IMPG2: variants seen among roughly 807,000 people sequenced by gnomAD.
IMPG2 encodes the protein interphotoreceptor matrix proteoglycan 2.
Under a neutral mutation model 129.2 loss-of-function variants are expected in IMPG2, and 91 were observed. That is an observed-to-expected ratio of 0.70 (90% CI 0.59 to 0.84). The LOEUF (loss-of-function observed/expected upper bound fraction) is 0.84, where lower values mean the gene tolerates loss of function less well. Ranked by LOEUF, IMPG2 falls within the 40% of genes least tolerant of loss-of-function variation. The pLI, the probability that IMPG2 is intolerant of heterozygous loss-of-function variation, is 0.00. For synonymous variants in IMPG2, 510 were observed against 517.7 expected (o/e 0.99, Z 0.20); for missense variants, 1,430 against 1,461.7 (o/e 0.98, Z 0.35).
At position 101,223,163 on chromosome 3, in the gene IMPG2, G is replaced by A. The variant is rs1706183710; in HGVS notation, c.*3806C>T. The A allele has an allele frequency of 6.6e-6, 1 of 152,160 alleles. No individual in the cohort carries two copies. The highest frequency in any genetic ancestry group is 2.4e-5 in the African/African-American group (1 of 41,430). The allele number at this position is 152,160 out of a possible 1,614,324, so 9.4% of individuals were successfully genotyped here. On this transcript the variant is annotated 3_prime_UTR_variant, in exon 19 of 19. Coordinates refer to ENST00000193391, the MANE Select transcript of IMPG2 (RefSeq NM_016247.4). The stretch of plus-strand genomic sequence containing the variant: ...ACCTTCCGCCAGGATATCCTTTGTG[G>A]AATACAATGCAATGGATTTGAGAAT...
intron 4 of IMPG2, among the ~76,000 whole-genome samples, chr3:101,281,175 A>G (rs1706889216): frequency 6.6e-6 from 1 of 152,156 alleles, no homozygotes; most frequent in Non-Finnish European, 1.5e-5. Flanking sequence ...TGAGCCTTGC[A>G]CTCGTTATTG....
chr3:101,236,968 T>G (rs886439063), intron 14 of IMPG2, among the ~76,000 whole-genome samples: 2 of 152,224 alleles, frequency 1.3e-5, no homozygotes, highest in African/African-American at 4.8e-5. Context: ...ATCCACTGGT[T>G]TGAAATTCTT....
chr3:101,249,220 C>T (rs1242265059), intron 11 of IMPG2, among the ~76,000 whole-genome samples: 1 of 152,158 alleles, frequency 6.6e-6, no homozygotes, highest in Non-Finnish European at 1.5e-5. Context: ...ACCCTATCCA[C>T]ATCTCCATTG....
chr3:101,317,187 C>CA (rs779455845), intron 2 of IMPG2, among the ~76,000 whole-genome samples: 8 of 151,824 alleles, frequency 5.3e-5, no homozygotes, highest in Admixed American at 6.6e-5. Context: ...GTAAATTCGT[C>CA]AAAACTAATG....
Position 101,275,739 on chromosome 3 carries a change from G to A in IMPG2, c.590C>T (p.Thr197Ile). ...VGDTSTLGDT[T>I]LSVPHPEVDA... ...CACCTCTGGATGTGGAACACTGAGA[G>A]TAGTGTCTAAGAAGAAAAGCAAAAA... Residue 197 changes from threonine to isoleucine, a missense_variant, in exon 6 of 19, where the codon ACT becomes ATT. By Grantham distance (89) the Thr-to-Ile change is moderately conservative. Coordinates refer to ENST00000193391, the MANE Select transcript of IMPG2 (RefSeq NM_016247.4). 3 of 1,613,304 alleles carry A rather than the reference G, an allele frequency of 1.9e-6. No individual in the cohort carries two copies. The highest frequency in any genetic ancestry group is 2.2e-5 in the South Asian group (2 of 91,066).
At chr3:101,308,379 A>T (rs929244261) in intron 2 of IMPG2, among the ~76,000 whole-genome samples, 2 of 152,236 alleles carry the variant, frequency 1.3e-5, no homozygotes, top group Admixed American at 1.3e-4. Context: ...ACATCCAGAC[A>T]TTTCACTACA....
At chr3:101,233,647 T>A (rs1409740474) in intron 14 of IMPG2, among the ~76,000 whole-genome samples, 1 of 152,190 alleles carries the variant, frequency 6.6e-6, no homozygotes, top group Non-Finnish European at 1.5e-5. Flanking sequence ...TGACTATTTT[T>A]AAAAATGAAT....
chr3:101,243,764 T>C lies in IMPG2; in HGVS notation c.2567A>G (p.Gln856Arg). ...GTDYYQPEQV[Q>R]EQNGKVGSYV... is the part of the protein sequence containing the mutation. ...ACTACCAACCTTGCCATTTTGCTCT[T>C]GGACTTGCTCAGGCTGATAGTAATC... is the stretch of plus-strand genomic sequence containing the variant. The change falls in exon 13 of 19, where the codon CAA (glutamine) becomes CGA (arginine). Residue 856 changes from glutamine to arginine, a missense_variant. Coordinates refer to ENST00000193391, the MANE Select transcript of IMPG2 (RefSeq NM_016247.4). The C allele has an allele frequency of 6.2e-7, 1 of 1,613,878 alleles. No homozygotes were observed. The highest frequency in any genetic ancestry group is 8.5e-7 in the Non-Finnish European group (1 of 1,179,772).
In IMPG2 at chr3:101,246,030, A is replaced by G. The variant is rs1486230444; in HGVS notation, c.1315T>C (p.Ser439Pro). The G allele has an allele frequency of 6.2e-7, 1 of 1,614,156 alleles. No individual in the cohort carries two copies. The part of the protein sequence containing the change: ...TSSIPPLDFS[S>P]GPPSATGREL... ...CTGCCAGTGGCTGAGGGAGGACCAG[A>G]GCTGAAATCAAGTGGTGGAATACTG... is the stretch of plus-strand genomic sequence containing the variant. The change falls in exon 12 of 19, where the codon TCT (serine) becomes CCT (proline). Residue 439 changes from serine to proline, a missense_variant. Coordinates refer to ENST00000193391, the MANE Select transcript of IMPG2 (RefSeq NM_016247.4).
At chr3:101,291,102 G>A (rs1226047809) in intron 4 of IMPG2, among the ~76,000 whole-genome samples, 1 of 152,092 alleles carries the variant, frequency 6.6e-6, no homozygotes. Context: ...TCAATAAATT[G>A]ATCCATAGCA....
intron 7 of IMPG2, among the ~76,000 whole-genome samples, chr3:101,272,798 T>TA (rs1352678162): frequency 1.3e-5 from 2 of 152,066 alleles, no homozygotes; most frequent in African/African-American, 4.8e-5. Context: ...GGAAGAAAAT[T>TA]AATCTAAGGT....
intron 3 of IMPG2, among the ~76,000 whole-genome samples, chr3:101,301,587 TG>T (rs1707139902): frequency 6.6e-6 from 1 of 152,228 alleles, no homozygotes; most frequent in Admixed American, 6.5e-5. Context: ...TCATTCTCCC[TG>T]CCACATCTAC....
intron 11 of IMPG2, among the ~76,000 whole-genome samples, chr3:101,250,422 G>T (rs1338483270): frequency 2.0e-5 from 3 of 152,168 alleles, no homozygotes; most frequent in Non-Finnish European, 2.9e-5. Flanking sequence ...GGGAAGAGGG[G>T]CTGAGCATGC....
chr3:101,287,932 A>G (rs1346699491), intron 4 of IMPG2, among the ~76,000 whole-genome samples: 6 of 152,210 alleles, frequency 3.9e-5, no homozygotes, highest in Non-Finnish European at 7.4e-5. Flanking sequence ...AGCAAAATAA[A>G]CTATCAACAT....
intron 4 of IMPG2, among the ~76,000 whole-genome samples, chr3:101,281,746 C>A (rs1045820761): frequency 1.3e-5 from 2 of 152,100 alleles, no homozygotes; most frequent in Non-Finnish European, 2.9e-5. Flanking sequence ...TCACAGGGAC[C>A]CTTTCATGTG....
At chr3:101,299,003 G>T (rs1024404885) in intron 3 of IMPG2, among the ~76,000 whole-genome samples, 3 of 152,246 alleles carry the variant, frequency 2.0e-5, no homozygotes, top group Admixed American at 6.5e-5. Flanking sequence ...TTTACAACTT[G>T]GTTCCTTTCT....
intron 3 of IMPG2, among the ~76,000 whole-genome samples, chr3:101,295,507 A>G (rs1707070174): frequency 6.6e-6 from 1 of 152,194 alleles, no homozygotes; most frequent in Non-Finnish European, 1.5e-5. Context: ...GAAGTCAGGT[A>G]GCATGATGCT....
chr3:101,298,280 C>T (rs1171922959), intron 3 of IMPG2, among the ~76,000 whole-genome samples: 1 of 151,690 alleles, frequency 6.6e-6, no homozygotes, highest in East Asian at 1.9e-4. Context: ...TATTTTGAGC[C>T]TATGTGTGTC....
At chr3:101,249,088 G>A (rs558202080) in intron 11 of IMPG2, among the ~76,000 whole-genome samples, 1 of 152,324 alleles carries the variant, frequency 6.6e-6, no homozygotes, top group Admixed American at 6.5e-5. Flanking sequence ...AGCTCCAGCT[G>A]TCAGTGGGCT....
Sources: gnomAD v4.1 joint callset for allele counts (sites outside exome capture counted in the v4.1 genomes callset) on GRCh38, gnomAD v4.1.1 for gene constraint, MANE v1.5 for transcripts, NCBI Gene and HGNC (gene_info 2026-07-23, HGNC 2026-07-21) for gene names.